Variants in SOX6 observed in about 807,000 individuals in gnomAD.
SOX6 encodes transcription factor SOX-6.
A neutral mutation model predicts 97.8 loss-of-function variants in SOX6; 11 were observed. The ratio of observed to expected loss-of-function variants is 0.11; its 90% CI spans 0.07 to 0.19. The LOEUF is 0.19. SOX6 is among the 10% of genes least tolerant of loss of function. The probability of loss-of-function intolerance (pLI) is 1.00; values close to 1 mark genes in which losing one functional copy is unlikely to be tolerated. For missense variants in SOX6, 810 were observed against 1,039.5 expected (o/e 0.78, Z 3.04); for synonymous variants, 360 against 371.4 (o/e 0.97, Z 0.35).
intron 1 of SOX6, among the ~76,000 whole-genome samples, chr11:16,345,929 T>A (rs1856766134): frequency 6.6e-6 from 1 of 152,084 alleles, no homozygotes; most frequent in Non-Finnish European, 1.5e-5. Context: ...ACTGAATTCA[T>A]CATAGCAATA....
rs117021032 is a variant in SOX6 at position 16,310,197 on chromosome 11, A to C, written c.445+8249T>G. Among the ~76,000 whole-genome samples the C allele has an allele frequency of 5.5e-3, 833 of 152,226 alleles. 4 individuals are homozygous for C. Among genetic ancestry groups the C allele is most frequent in the Non-Finnish European group, 9.9e-3 (674 of 67,972 alleles). On this transcript the variant is annotated intron_variant, in intron 3 of 15. Coordinates refer to ENST00000683767, the MANE Select transcript of SOX6 (RefSeq NM_001367873.1). ...AATATATTACCCAAACTGTAAATGG[A>C]GGTTGCAAAACATATAGCAAATAGA...
chr11:16,205,164 G>A (rs1211014707), intron 4 of SOX6, among the ~76,000 whole-genome samples: 1 of 152,104 alleles, frequency 6.6e-6, no homozygotes, highest in Non-Finnish European at 1.5e-5. Flanking sequence ...GACACAACTT[G>A]TCTAATGATA....
intron 12 of SOX6, among the ~76,000 whole-genome samples, chr11:16,037,751 G>A (rs547670499): frequency 3.9e-5 from 6 of 152,166 alleles, no homozygotes; most frequent in African/African-American, 1.2e-4. Context: ...TAAAGGTCTC[G>A]CCCATTCTTT....
intron 4 of SOX6, among the ~76,000 whole-genome samples, chr11:16,223,452 T>C (rs895666496): frequency 2.0e-5 from 3 of 152,138 alleles, no homozygotes; most frequent in Non-Finnish European, 4.4e-5. Flanking sequence ...CACTCTCAGA[T>C]TCATATTATT....
At position 16,721,069 on chromosome 11, in the gene SOX6, G is replaced by A. The variant is rs1848257799; in HGVS notation, n.354-6164C>T. Among the ~76,000 whole-genome samples, 4 of 152,268 alleles carry A rather than the reference G, an allele frequency of 2.6e-5. 1 individual carries two copies. In the South Asian group the frequency reaches 6.2e-4, roughly 24 times the overall value. ...GGTACATTTTACCCAGGTGAAGGACGCGAATGGGCCTGAGGCCCAACTTAG... is the reference window on the plus strand; with the variant it reads ...GGTACATTTTACCCAGGTGAAGGACACGAATGGGCCTGAGGCCCAACTTAG... On this transcript the variant is annotated intron_variant and non_coding_transcript_variant, in intron 2 of 5. Transcript: ENST00000524520.
intron 4 of SOX6, among the ~76,000 whole-genome samples, chr11:16,521,045 G>C (rs1479691396): frequency 1.3e-5 from 2 of 152,170 alleles, no homozygotes; most frequent in African/African-American, 4.8e-5. Context: ...TCCACCTCTG[G>C]GGGCAGGGCA....
intron 6 of SOX6, among the ~76,000 whole-genome samples, chr11:16,135,705 C>G (rs1318237911): frequency 1.3e-5 from 2 of 152,088 alleles, no homozygotes; most frequent in African/African-American, 4.8e-5. Context: ...AGATAATCTA[C>G]TGAGTGAAAA....
chr11:16,593,312 C>G (rs1197776476), intron 4 of SOX6, among the ~76,000 whole-genome samples: 1 of 152,068 alleles, frequency 6.6e-6, no homozygotes, highest in African/African-American at 2.4e-5. Context: ...TGAGCCATGA[C>G]AAATGAATAA....
intron 15 of SOX6, among the ~76,000 whole-genome samples, chr11:15,977,998 G>A (rs1853540019): frequency 6.6e-6 from 1 of 151,914 alleles, no homozygotes; most frequent in Non-Finnish European, 1.5e-5. Context: ...TCCATATTTT[G>A]AATCAGTTCA....
intron 3 of SOX6, among the ~76,000 whole-genome samples, chr11:16,256,622 G>C (rs1355141380): frequency 6.6e-6 from 1 of 151,922 alleles, no homozygotes; most frequent in Non-Finnish European, 1.5e-5. Context: ...GAAACTCAAA[G>C]CTTTCCCAGT....
upstream of SOX6, among the ~76,000 whole-genome samples, chr11:16,359,785 T>C (rs930336276): frequency 6.6e-6 from 1 of 152,152 alleles, no homozygotes; most frequent in Non-Finnish European, 1.5e-5. Flanking sequence ...GTTATACTAA[T>C]AAAAATAACA....
At chr11:16,514,265 A>T (rs1189291530) in intron 4 of SOX6, among the ~76,000 whole-genome samples, 2 of 151,900 alleles carry the variant, frequency 1.3e-5, no homozygotes, top group South Asian at 2.1e-4. Flanking sequence ...CCATGTACAT[A>T]TTGTTACATG....
At chr11:16,492,162 T>C (rs11023963) in intron 4 of SOX6, among the ~76,000 whole-genome samples, 121 of 152,294 alleles carry the variant, frequency 7.9e-4, no homozygotes, top group African/African-American at 2.8e-3. Context: ...ATAAATAATA[T>C]TAAGCACTTC....
intron 7 of SOX6, among the ~76,000 whole-genome samples, chr11:16,108,303 G>A (rs1849146547): frequency 6.6e-6 from 1 of 152,090 alleles, no homozygotes; most frequent in East Asian, 1.9e-4. Context: ...AACTTCAAGT[G>A]TGCTTTCTAG....
chr11:16,008,733 G>A (rs1171368081), intron 13 of SOX6, among the ~76,000 whole-genome samples: 1 of 151,976 alleles, frequency 6.6e-6, no homozygotes, highest in African/African-American at 2.4e-5. Context: ...TTATTTGCTT[G>A]TTTAAGAGAG....
intron 3 of SOX6, among the ~76,000 whole-genome samples, chr11:16,690,202 G>T (rs1196236520): frequency 6.6e-6 from 1 of 152,146 alleles, no homozygotes; most frequent in East Asian, 1.9e-4. Flanking sequence ...GTGAGCCACT[G>T]CACCCAGCCT....
chr11:16,653,595 A>T (rs919347744), intron 3 of SOX6, among the ~76,000 whole-genome samples: 2 of 152,182 alleles, frequency 1.3e-5, no homozygotes, highest in Non-Finnish European at 2.9e-5. Flanking sequence ...CATAAGAATT[A>T]TACAATGGAC....
At chr11:16,281,298 T>C (rs1427496623) in intron 3 of SOX6, among the ~76,000 whole-genome samples, 1 of 152,082 alleles carries the variant, frequency 6.6e-6, no homozygotes, top group Non-Finnish European at 1.5e-5. Flanking sequence ...CTACCCTGCC[T>C]GCATGCTCTC....
chr11:16,381,762 TTTC>T (rs1382715140), intron 1 of SOX6, among the ~76,000 whole-genome samples: 3 of 151,824 alleles, frequency 2.0e-5, no homozygotes, highest in Admixed American at 2.0e-4. Context: ...ATATCTAAAA[TTTC>T]TTCTTATTCC....
Sources: allele counts gnomAD v4.1 joint callset (sites outside exome capture counted in the v4.1 genomes callset), GRCh38; gene constraint gnomAD v4.1.1; transcripts MANE v1.5; gene names NCBI Gene and HGNC (gene_info 2026-07-23, HGNC 2026-07-21).